DOCK7: variants seen among roughly 807,000 people sequenced by gnomAD.
The protein encoded by DOCK7 is dedicator of cytokinesis 7, also known as dedicator of cytokinesis protein 7.
In DOCK7, 138 loss-of-function variants were observed where a neutral mutation model predicts 271.0. That is an observed-to-expected ratio of 0.51 (90% CI 0.44 to 0.59). The LOEUF (loss-of-function observed/expected upper bound fraction) is 0.59, where lower values mean the gene tolerates loss of function less well. Ranked by LOEUF, DOCK7 falls within the 20% of genes least tolerant of loss-of-function variation. DOCK7 has a pLI of 0.00. For synonymous variants in DOCK7, 823 were observed against 876.1 expected (o/e 0.94, Z 1.07); for missense variants, 2,066 against 2,592.4 (o/e 0.80, Z 4.41).
intron 14 of DOCK7, among the ~76,000 whole-genome samples, chr1:62,588,564 T>C (rs1647912695): frequency 6.6e-6 from 1 of 152,324 alleles, no homozygotes; most frequent in East Asian, 1.9e-4. Flanking sequence ...TCTGTGGTTT[T>C]TGTAAATTGA....
chr1:62,477,656 A>T (rs777475631), intron 44 of DOCK7, 44 bp downstream of exon 44: 2 of 1,533,286 alleles, frequency 1.3e-6, no homozygotes, highest in African/African-American at 1.4e-5. Flanking sequence ...ATCAGAGAGA[A>T]TACAAACTAA....
intron 18 of DOCK7, among the ~76,000 whole-genome samples, chr1:62,571,543 C>T (rs1271279456): frequency 1.3e-5 from 2 of 152,118 alleles, no homozygotes; most frequent in Admixed American, 6.6e-5. Flanking sequence ...CCAGCAATCT[C>T]ATTACTGGGT....
At position 62,542,654 on chromosome 1, in the gene DOCK7, ACGCTGC is replaced by A. The variant is rs1171352022; in HGVS notation, c.2993_2998del (p.Gly998_Ser999del). 6.2e-7 allele frequency: 1 copy of A among 1,613,160 alleles called. No individual in the cohort carries two copies. The highest frequency in any genetic ancestry group is 1.7e-5 in the Admixed American group (1 of 59,956). On this transcript the variant is annotated inframe_deletion, in exon 25 of 50. Coordinates refer to ENST00000635253, the MANE Select transcript of DOCK7 (RefSeq NM_001367561.1). ...GGCTTGTTGCAAAGCTGATTCCCGAACGCTGCCACTGCAAACAACCCACTGCAAAGC... is the reference window on the plus strand; with the variant it reads ...GGCTTGTTGCAAAGCTGATTCCCGAACACTGCAAACAACCCACTGCAAAGC...
rs550629852 is a variant in DOCK7, at chr1:62,662,673, A to G, written c.144+352T>C. On this transcript the variant is annotated intron_variant, in intron 2 of 49. Coordinates refer to ENST00000635253, the MANE Select transcript of DOCK7 (RefSeq NM_001367561.1). ...CTACTCAGGAGGCTAAGGCATGAGA[A>G]TCACTGGAACCCAGGAGGCGGAAGT... Among the ~76,000 whole-genome samples, 315 of 152,282 alleles carry G rather than the reference A, an allele frequency of 2.1e-3. 2 individuals carry two copies. The highest frequency in any genetic ancestry group is 7.2e-3 in the African/African-American group (300 of 41,554).
intron 11 of DOCK7, among the ~76,000 whole-genome samples, chr1:62,626,467 G>T (rs764362228): frequency 6.7e-6 from 1 of 149,540 alleles, no homozygotes; most frequent in African/African-American, 2.5e-5. Context: ...AGATAAACCC[G>T]ACAAATCTTT....
chr1:62,457,417 A>G, intron 49 of DOCK7, 121 bp downstream of exon 49: 1 of 1,007,150 alleles, frequency 9.9e-7, no homozygotes, highest in Non-Finnish European at 1.4e-6. Context: ...TGAAACCCCA[A>G]ACACTTCTGG....
At chr1:62,667,453 ACTAT>A (rs1226001475) in intron 1 of DOCK7, among the ~76,000 whole-genome samples, 3 of 152,248 alleles carry the variant, frequency 2.0e-5, no homozygotes, top group African/African-American at 4.8e-5. Context: ...CAGTAGTGTA[ACTAT>A]CTAAGTTCAA....
At chr1:62,606,880 TTC>T (rs2149551673) in intron 14 of DOCK7, among the ~76,000 whole-genome samples, 1 of 152,166 alleles carries the variant, frequency 6.6e-6, no homozygotes, top group Non-Finnish European at 1.5e-5. Context: ...CATTTCTCCC[TTC>T]AATACCCTAT....
At chr1:62,603,113 A>G (rs182866736) in intron 14 of DOCK7, among the ~76,000 whole-genome samples, 1 of 151,798 alleles carries the variant, frequency 6.6e-6, no homozygotes, top group Admixed American at 6.6e-5. Flanking sequence ...TAGAAGGTAT[A>G]CTCAGTGATA....
At chr1:62,562,550 T>C (rs1646362395) in intron 18 of DOCK7, among the ~76,000 whole-genome samples, 1 of 152,106 alleles carries the variant, frequency 6.6e-6, no homozygotes, top group African/African-American at 2.4e-5. Context: ...GCTAGGAATG[T>C]CAAAGTTATT....
At chr1:62,490,199 T>C (rs985172127) in intron 41 of DOCK7, among the ~76,000 whole-genome samples, 17 of 151,908 alleles carry the variant, frequency 1.1e-4, no homozygotes, top group African/African-American at 4.1e-4. Flanking sequence ...GCCTCCTAAG[T>C]AGCTAGGACT....
At chr1:62,464,204 C>T (rs1202949634) in intron 48 of DOCK7, among the ~76,000 whole-genome samples, 1 of 151,730 alleles carries the variant, frequency 6.6e-6, no homozygotes, top group Non-Finnish European at 1.5e-5. Flanking sequence ...GGATTACAGG[C>T]ACATGCCACC....
At chr1:62,611,199 A>G (rs2149566080) in intron 14 of DOCK7, among the ~76,000 whole-genome samples, 1 of 152,352 alleles carries the variant, frequency 6.6e-6, no homozygotes, top group East Asian at 1.9e-4. Flanking sequence ...ATAAACACAT[A>G]TATCACAACT....
chr1:62,580,412 A>T (rs1226202744), intron 16 of DOCK7, among the ~76,000 whole-genome samples: 1 of 152,230 alleles, frequency 6.6e-6, no homozygotes, highest in Non-Finnish European at 1.5e-5. Flanking sequence ...CAGATGGCAT[A>T]GTCATTTTAA....
At chr1:62,659,357 A>G (rs1658399374) in intron 2 of DOCK7, among the ~76,000 whole-genome samples, 1 of 152,186 alleles carries the variant, frequency 6.6e-6, no homozygotes, top group Non-Finnish European at 1.5e-5. Flanking sequence ...TAAGTCATGG[A>G]TATAACACAA....
At chr1:62,686,894 C>T (rs908587759) in intron 1 of DOCK7, among the ~76,000 whole-genome samples, 11 of 148,038 alleles carry the variant, frequency 7.4e-5, no homozygotes, top group Non-Finnish European at 1.3e-4. Flanking sequence ...AAAAAAAAAG[C>T]CTCTGCCTCG....
At chr1:62,522,473 A>G (rs1421591008) in intron 31 of DOCK7, among the ~76,000 whole-genome samples, 2 of 152,172 alleles carry the variant, frequency 1.3e-5, no homozygotes, top group East Asian at 1.9e-4. Flanking sequence ...AAAGCATTCG[A>G]TAACAATTCA....
intron 30 of DOCK7, 91 bp downstream of exon 30, chr1:62,529,186 C>A: frequency 8.0e-7 from 1 of 1,250,214 alleles, no homozygotes; most frequent in Non-Finnish European, 1.1e-6. Context: ...TTCTTATTTT[C>A]CTAAAATAAG....
chr1:62,612,104 C>T (rs1407311842), intron 14 of DOCK7, among the ~76,000 whole-genome samples: 1 of 151,906 alleles, frequency 6.6e-6, no homozygotes, highest in Non-Finnish European at 1.5e-5. Context: ...TGCAGTGAAC[C>T]AAGATCATGC....
Sources: gnomAD v4.1 joint callset for allele counts (sites outside exome capture counted in the v4.1 genomes callset) on GRCh38, gnomAD v4.1.1 for gene constraint, MANE v1.5 for transcripts, NCBI Gene and HGNC (gene_info 2026-07-23, HGNC 2026-07-21) for gene names.